The following MED26 variants were observed in gnomAD, a reference collection of about 807,000 sequenced individuals.
MED26 encodes mediator of RNA polymerase II transcription subunit 26.
Under a neutral mutation model 43.7 loss-of-function variants are expected in MED26, and 7 were observed. That is an observed-to-expected ratio of 0.16 (90% CI 0.09 to 0.30). MED26 has a LOEUF of 0.30. Ranked by LOEUF, MED26 falls within the 10% of genes least tolerant of loss-of-function variation. The pLI, the probability that MED26 is intolerant of heterozygous loss-of-function variation, is 1.00. For missense variants in MED26, 784 were observed against 840.6 expected, an observed-to-expected ratio of 0.93 and a Z score of 0.83; for synonymous variants, 375 against 371.1, an observed-to-expected ratio of 1.01 and a Z score of -0.12.
At chr19:16,621,032 G>A (rs1416492464) in intron 1 of MED26, among the ~76,000 whole-genome samples, 1 of 152,218 alleles carries the variant, frequency 6.6e-6, no homozygotes, top group South Asian at 2.1e-4. Flanking sequence ...AACTGGGAAG[G>A]AATGGAATTC....
chr19:16,585,449 C>G (rs552623192), intron 1 of MED26, among the ~76,000 whole-genome samples: 1 of 152,250 alleles, frequency 6.6e-6, no homozygotes, highest in South Asian at 2.1e-4. Context: ...GGCTAGGTCA[C>G]TCTCTTCCAG....
rs1291293814 is a variant in MED26 at position 16,592,564 on chromosome 19, A to G, written c.73-14155T>C. ...CACGCCACACATGTCCCTTCCAAAC[A>G]AAGTTCAGCAGCAGCAGGTCTCACC... On this transcript the variant is annotated intron_variant, in intron 1 of 2. Transcript: ENST00000263390. Among the ~76,000 whole-genome samples the G allele has an allele frequency of 1.3e-5, 2 of 152,202 alleles. 1 individual carries two copies. The highest frequency in any genetic ancestry group is 2.9e-5 in the Non-Finnish European group (2 of 68,032).
intron 1 of MED26, among the ~76,000 whole-genome samples, chr19:16,585,089 T>A (rs754381303): frequency 6.6e-6 from 1 of 152,148 alleles, no homozygotes; most frequent in Non-Finnish European, 1.5e-5. Flanking sequence ...CAACACCATC[T>A]ATCTGGTGAG....
rs1295190809 is a variant in MED26, at chr19:16,575,920, C to A, written c.*107G>T. The A allele has an allele frequency of 6.7e-6, 7 of 1,038,690 alleles. No homozygotes were observed. The Admixed American group carries it at 1.5e-4, about 22-fold the overall frequency. The allele number at this position is 1,038,690 out of a possible 1,614,324, so 64.3% of individuals were successfully genotyped here. ...TCCCTCCCGCCTGGGCCGGACTCCC[C>A]GAGTTCCCAGCGCAGGAGGCAGCTG... On this transcript the variant is annotated 3_prime_UTR_variant, in exon 3 of 3. Transcript: ENST00000263390.
At chr19:16,590,526 T>C (rs2086090965) in intron 1 of MED26, among the ~76,000 whole-genome samples, 1 of 152,222 alleles carries the variant, frequency 6.6e-6, no homozygotes, top group African/African-American at 2.4e-5. Context: ...TTTTCCTGCA[T>C]GTACTGGGAT....
chr19:16,597,145 T>C (rs1234127349), intron 1 of MED26, among the ~76,000 whole-genome samples: 1 of 152,218 alleles, frequency 6.6e-6, no homozygotes, highest in Admixed American at 6.5e-5. Flanking sequence ...CTAGGAACTC[T>C]GGGTTCTTCT....
At chr19:16,620,996 G>A (rs558114176) in intron 1 of MED26, among the ~76,000 whole-genome samples, 31 of 152,314 alleles carry the variant, frequency 2.0e-4, no homozygotes, top group Admixed American at 4.6e-4. Context: ...TAGGCTAGAG[G>A]AATTTAAAGG....
intron 1 of MED26, chr19:16,612,004 G>A (rs569615090): frequency 6.6e-6 from 1 of 152,152 alleles, no homozygotes; most frequent in Non-Finnish European, 1.5e-5. Context: ...CACAGGACAT[G>A]AGCATGTCTA....
intron 1 of MED26, among the ~76,000 whole-genome samples, chr19:16,579,905 G>C (rs1447116217): frequency 6.6e-6 from 1 of 152,148 alleles, no homozygotes; most frequent in Non-Finnish European, 1.5e-5. Context: ...AGTGGTTCTT[G>C]CCTTTTCTGA....
chr19:16,619,572 G>A (rs184402079), intron 1 of MED26, among the ~76,000 whole-genome samples: 2 of 152,332 alleles, frequency 1.3e-5, no homozygotes, highest in African/African-American at 4.8e-5. Flanking sequence ...GGAAACAGAA[G>A]AGTGCACTAC....
intron 1 of MED26, among the ~76,000 whole-genome samples, chr19:16,615,931 C>G (rs1286262674): frequency 6.6e-6 from 1 of 152,206 alleles, no homozygotes; most frequent in Non-Finnish European, 1.5e-5. Context: ...CCTACTCCAG[C>G]AAAGTGCTAC....
At chr19:16,612,628 T>C (rs1237968834) in intron 1 of MED26, among the ~76,000 whole-genome samples, 1 of 152,216 alleles carries the variant, frequency 6.6e-6, no homozygotes, top group Non-Finnish European at 1.5e-5. Context: ...AGGAAGAATA[T>C]TGGCTATTGC....
chr19:16,582,284 G>A (rs1005277261), intron 1 of MED26, among the ~76,000 whole-genome samples: 4 of 150,774 alleles, frequency 2.7e-5, no homozygotes, highest in Non-Finnish European at 4.4e-5. Flanking sequence ...TGTGTGGGGA[G>A]CACCACCTGG....
intron 1 of MED26, among the ~76,000 whole-genome samples, chr19:16,619,094 G>T (rs1740689439): frequency 6.6e-6 from 1 of 152,212 alleles, no homozygotes; most frequent in South Asian, 2.1e-4. Flanking sequence ...ACAGGCCACA[G>T]AATTAGTATA....
intron 1 of MED26, among the ~76,000 whole-genome samples, chr19:16,580,041 A>G (rs1303994326): frequency 1.3e-5 from 2 of 152,196 alleles, no homozygotes; most frequent in Non-Finnish European, 2.9e-5. Context: ...CCATTACAAA[A>G]TAAGGCTGCA....
intron 1 of MED26, among the ~76,000 whole-genome samples, chr19:16,603,074 G>A (rs1044899658): frequency 2.0e-5 from 3 of 152,216 alleles, no homozygotes; most frequent in Non-Finnish European, 4.4e-5. Flanking sequence ...GTTCCTAAGA[G>A]GTCCTCCTGC....
At chr19:16,612,635 T>C (rs1238060395) in intron 1 of MED26, among the ~76,000 whole-genome samples, 1 of 152,222 alleles carries the variant, frequency 6.6e-6, no homozygotes, top group Non-Finnish European at 1.5e-5. Context: ...ATATTGGCTA[T>C]TGCTTCTGAA....
intron 1 of MED26, among the ~76,000 whole-genome samples, chr19:16,607,553 A>G (rs1283934187): frequency 6.6e-6 from 1 of 152,158 alleles, no homozygotes; most frequent in Non-Finnish European, 1.5e-5. Flanking sequence ...TGTGAGTTGA[A>G]GGCTTCCCTC....
intron 1 of MED26, chr19:16,624,538 GC>G (rs2086265275): frequency 6.6e-6 from 1 of 152,220 alleles, no homozygotes; most frequent in African/African-American, 2.4e-5. Context: ...AGCAAGCCCT[GC>G]CCTGTGCGGT....
Sources: gnomAD v4.1 joint callset for allele counts (sites outside exome capture counted in the v4.1 genomes callset) on GRCh38, gnomAD v4.1.1 for gene constraint, MANE v1.5 for transcripts, NCBI Gene and HGNC (gene_info 2026-07-23, HGNC 2026-07-21) for gene names.